Variants in SPTSSB observed in about 807,000 individuals in gnomAD.
SPTSSB encodes serine palmitoyltransferase small subunit B.
Under a neutral mutation model 7.7 loss-of-function variants are expected in SPTSSB, and 6 were observed. That is an observed-to-expected ratio of 0.78 (90% confidence interval 0.43 to 1.54). SPTSSB has a LOEUF of 1.54. Ranked by LOEUF, SPTSSB falls within the 40% of genes most tolerant of loss-of-function variation. The pLI is 0.01. For synonymous variants in SPTSSB, 28 were observed against 29.7 expected (o/e 0.94, Z 0.19); for missense variants, 91 against 93.0 (o/e 0.98, Z 0.09).
chr3:161,369,825 C>T (rs1413372957), intron 1 of SPTSSB, among the ~76,000 whole-genome samples: 2 of 152,122 alleles, frequency 1.3e-5, no homozygotes, highest in African/African-American at 2.4e-5. Context: ...TCACACTCAA[C>T]TGGAGAGGGT....
chr3:161,347,328 G>A (rs146137837), intron 2 of SPTSSB, among the ~76,000 whole-genome samples: 2,465 of 152,054 alleles, frequency 0.016, 66 homozygotes, highest in African/African-American at 0.056. Flanking sequence ...CACAATCTTC[G>A]CTCACTACAA....
At chr3:161,363,163 A>G (rs1238700817) in intron 1 of SPTSSB, among the ~76,000 whole-genome samples, 1 of 151,774 alleles carries the variant, frequency 6.6e-6, no homozygotes, top group Non-Finnish European at 1.5e-5. Context: ...GATTTTAGAG[A>G]AGACCAAATG....
At chr3:161,369,799 C>G (rs1036862444) in intron 1 of SPTSSB, among the ~76,000 whole-genome samples, 4 of 151,908 alleles carry the variant, frequency 2.6e-5, no homozygotes, top group Non-Finnish European at 5.9e-5. Flanking sequence ...CTGCACCCAT[C>G]CTTACTGGAA....
chr3:161,366,593 A>G (rs1715229200), intron 1 of SPTSSB, among the ~76,000 whole-genome samples: 1 of 152,054 alleles, frequency 6.6e-6, no homozygotes, highest in African/African-American at 2.4e-5. Context: ...GTCTGATCTC[A>G]CTATTTAAAA....
intron 2 of SPTSSB, among the ~76,000 whole-genome samples, chr3:161,346,695 GAAAT>G (rs1176385461): frequency 1.3e-5 from 2 of 152,244 alleles, no homozygotes; most frequent in Middle Eastern, 3.4e-3. Flanking sequence ...TATACAAAGA[GAAAT>G]AAAAGTGAAC....
At position 161,359,053 on chromosome 3, in the gene SPTSSB, A is replaced by G. The variant is rs377329271; in HGVS notation, c.-33+749T>C. ...CCTTGGCTGATAGGTCACTTTTACT[A>G]TAGGTCACTCACTATAGATTGAATA... is the stretch of plus-strand genomic sequence containing the variant. On this transcript the variant is annotated intron_variant, in intron 2 of 2. Coordinates refer to ENST00000620149, the MANE Select transcript of SPTSSB (RefSeq NM_001040100.2). Among the ~76,000 whole-genome samples the G allele has an allele frequency of 4.3e-4, 66 of 152,276 alleles. No individual in the cohort carries two copies. In the South Asian group the frequency reaches 9.3e-3, roughly 22 times the overall value.
intron 1 of SPTSSB, among the ~76,000 whole-genome samples, chr3:161,367,744 A>G (rs980036549): frequency 2.6e-5 from 4 of 152,186 alleles, no homozygotes; most frequent in South Asian, 2.1e-4. Flanking sequence ...CCTCTTCCCA[A>G]GACTCTCTGG....
intron 2 of SPTSSB, among the ~76,000 whole-genome samples, chr3:161,356,465 C>T (rs781355611): frequency 5.3e-5 from 8 of 152,106 alleles, no homozygotes; most frequent in Admixed American, 1.3e-4. Flanking sequence ...GTCAGGAGTA[C>T]GTTGTTCTCA....
chr3:161,368,136 G>A (rs1715294271), intron 1 of SPTSSB, among the ~76,000 whole-genome samples: 1 of 152,154 alleles, frequency 6.6e-6, no homozygotes, highest in Admixed American at 6.5e-5. Context: ...TTTTAATGTG[G>A]TCATTGGGGA....
intron 2 of SPTSSB, among the ~76,000 whole-genome samples, chr3:161,350,377 G>GA (rs140411236): frequency 1.9e-4 from 29 of 151,538 alleles, no homozygotes; most frequent in African/African-American, 2.7e-4. Flanking sequence ...TTCTCCTGGG[G>GA]AAAAAAAAGA....
At chr3:161,366,891 T>C (rs1715245229) in intron 1 of SPTSSB, among the ~76,000 whole-genome samples, 1 of 152,142 alleles carries the variant, frequency 6.6e-6, no homozygotes, top group Non-Finnish European at 1.5e-5. Flanking sequence ...AACAAATGGC[T>C]GGGCCGGGTG....
chr3:161,368,817 A>G (rs1386763755), intron 1 of SPTSSB, among the ~76,000 whole-genome samples: 1 of 152,260 alleles, frequency 6.6e-6, no homozygotes, highest in Non-Finnish European at 1.5e-5. Context: ...TAAATAAATC[A>G]TATAGTATGT....
At chr3:161,359,070 G>A (rs992861036) in intron 2 of SPTSSB, among the ~76,000 whole-genome samples, 36 of 152,186 alleles carry the variant, frequency 2.4e-4, no homozygotes, top group African/African-American at 8.2e-4. Flanking sequence ...ACTCACTATA[G>A]ATTGAATAAA....
At chr3:161,349,273 T>C (rs977393010) in intron 2 of SPTSSB, among the ~76,000 whole-genome samples, 1 of 152,000 alleles carries the variant, frequency 6.6e-6, no homozygotes, top group African/African-American at 2.4e-5. Flanking sequence ...GGAAAGGACA[T>C]GGAAAAATGC....
chr3:161,347,324 C>A (rs1437429468), intron 2 of SPTSSB, among the ~76,000 whole-genome samples: 1 of 152,096 alleles, frequency 6.6e-6, no homozygotes, highest in African/African-American at 2.4e-5. Context: ...GTGGCACAAT[C>A]TTCGCTCACT....
chr3:161,365,919 A>G (rs1251086579), intron 1 of SPTSSB, among the ~76,000 whole-genome samples: 1 of 152,134 alleles, frequency 6.6e-6, no homozygotes, highest in African/African-American at 2.4e-5. Flanking sequence ...ACAATCTGGT[A>G]AAGTGGAGAC....
At chr3:161,351,593 C>CA (rs1360023575) in intron 2 of SPTSSB, among the ~76,000 whole-genome samples, 3 of 151,862 alleles carry the variant, frequency 2.0e-5, no homozygotes, top group Non-Finnish European at 2.9e-5. Flanking sequence ...CACACATACA[C>CA]ACACAGAGAG....
Position 161,359,796 on chromosome 3 carries a change from A to G in SPTSSB, c.-33+6T>C. The G allele has an allele frequency of 4.1e-6, 4 of 985,432 alleles. No homozygotes were observed. Among genetic ancestry groups the G allele is most frequent in the Non-Finnish European group, 4.8e-6 (4 of 829,940 alleles). 61.0% of individuals were successfully genotyped at this position (985,432 alleles called of 1,614,324 possible). ...AGTCTCCGTGATATAATCAGAATTT[A>G]CTTGCCTAAGAAAGTCCAGGTCTGG... is the stretch of plus-strand genomic sequence containing the variant. On this transcript the variant is annotated splice_donor_region_variant and intron_variant, in intron 2 of 2. Transcript: ENST00000620149.
At position 161,371,502 on chromosome 3, in the gene SPTSSB, G is replaced by T; in HGVS notation, c.-193C>A. ...AGGCTTTGGCTCCTCCCCAGCTGCT[G>T]CGAGCTTCCCACTGCGCCGGGCGCC... On this transcript the variant is annotated 5_prime_UTR_variant, in exon 1 of 3. Transcript: ENST00000620149. 2.0e-6 allele frequency: 2 copies of T among 985,550 alleles called. No homozygotes were observed. The highest frequency in any genetic ancestry group is 2.4e-6 in the Non-Finnish European group (2 of 830,014). The allele number at this position is 985,550 out of a possible 1,614,324, so 61.1% of individuals were successfully genotyped here. A position where few individuals can be genotyped will look rare whatever the true frequency, so the allele number is the denominator to read the frequency against.
Sources: gnomAD v4.1 joint callset for allele counts (sites outside exome capture counted in the v4.1 genomes callset) on GRCh38, gnomAD v4.1.1 for gene constraint, MANE v1.5 for transcripts, NCBI Gene and HGNC (gene_info 2026-07-23, HGNC 2026-07-21) for gene names.